Variants in TSHZ2 observed in about 807,000 individuals in gnomAD.
TSHZ2 encodes teashirt homolog 2.
TSHZ2 carries 21 observed loss-of-function variants against 74.4 expected under a neutral mutation model. The observed-to-expected ratio is 0.28, with a 90% confidence interval of 0.20 to 0.41. TSHZ2 has a LOEUF of 0.41. TSHZ2 is among the 10% of genes least tolerant of loss of function. TSHZ2 has a pLI of 1.00. For synonymous variants in TSHZ2, 540 were observed against 515.3 expected (o/e 1.05, Z -0.65); for missense variants, 1,244 against 1,293.5 (o/e 0.96, Z 0.59).
At chr20:53,011,398 T>C (rs1481629766) in intron 1 of TSHZ2, among the ~76,000 whole-genome samples, 1 of 152,212 alleles carries the variant, frequency 6.6e-6, no homozygotes, top group Non-Finnish European at 1.5e-5. Flanking sequence ...AGTGGCCAGA[T>C]AAGTAAACCC....
At chr20:53,007,737 CGTGTGTGTGT>C (rs35218931) in intron 1 of TSHZ2, among the ~76,000 whole-genome samples, 1 of 147,982 alleles carries the variant, frequency 6.8e-6, no homozygotes, top group South Asian at 2.2e-4. Flanking sequence ...TATGTATATT[CGTGTGTGTGT>C]GTGTGTGTGT....
chr20:53,289,458 C>T lies in TSHZ2; in HGVS notation c.*8+32887C>T, dbSNP rs376382301. On this transcript the variant is annotated intron_variant, in intron 2 of 2. Transcript: ENST00000371497. The stretch of plus-strand genomic sequence containing the variant: ...CAGTGTTAAAGTGTTCCCTTTCTAC[C>T]GCATCCACACCAACATCTATTTTTT... Among the ~76,000 whole-genome samples the T allele has an allele frequency of 3.0e-4, 45 of 152,186 alleles. 1 individual carries two copies. The highest frequency in any genetic ancestry group is 9.2e-4 in the African/African-American group (38 of 41,526).
intron 1 of TSHZ2, among the ~76,000 whole-genome samples, chr20:53,024,031 G>C (rs1287533549): frequency 6.6e-6 from 1 of 151,936 alleles, no homozygotes; most frequent in Non-Finnish European, 1.5e-5. Flanking sequence ...TGCCATAAAG[G>C]GGAGGTCATT....
chr20:53,171,516 G>A (rs1988198986), intron 1 of TSHZ2, among the ~76,000 whole-genome samples: 1 of 151,234 alleles, frequency 6.6e-6, no homozygotes, highest in African/African-American at 2.4e-5. Flanking sequence ...CATGTGTTGT[G>A]CACTTATCCT....
chr20:53,105,434 C>T (rs1411837331), intron 1 of TSHZ2, among the ~76,000 whole-genome samples: 2 of 152,096 alleles, frequency 1.3e-5, no homozygotes, highest in East Asian at 3.9e-4. Flanking sequence ...AAACTGCTTT[C>T]AGATATTGCC....
intron 1 of TSHZ2, among the ~76,000 whole-genome samples, chr20:52,982,575 G>A (rs1011967223): frequency 6.6e-6 from 1 of 152,164 alleles, no homozygotes; most frequent in Non-Finnish European, 1.5e-5. Context: ...TTATGTGCCA[G>A]GTATTGTTCT....
chr20:52,986,085 A>G lies in TSHZ2; in HGVS notation c.40+12752A>G, dbSNP rs73134644. 9.5e-3 allele frequency among the ~76,000 whole-genome samples: 1,451 copies of G among 152,272 alleles called. 16 individuals are homozygous for G. The highest frequency in any genetic ancestry group is 0.017 in the Admixed American group (254 of 15,290). ...GATTCAGAGACTTTAGCAAGCAAAGATATCCAGTAAAGAAATGAAATAATG... is the reference window on the plus strand; with the variant it reads ...GATTCAGAGACTTTAGCAAGCAAAGGTATCCAGTAAAGAAATGAAATAATG... On this transcript the variant is annotated intron_variant, in intron 1 of 2. Transcript: ENST00000371497.
intron 2 of TSHZ2, among the ~76,000 whole-genome samples, chr20:53,265,581 G>A (rs6022362): frequency 0.32 from 49,081 of 152,056 alleles, 8,747 homozygotes; most frequent in African/African-American, 0.45. Context: ...TATAATAGGC[G>A]CCATGGCAGT....
In TSHZ2 at chr20:53,063,980, T is replaced by TG. The variant is rs1193415403; in HGVS notation, c.40+90647_40+90648insG. On this transcript the variant is annotated intron_variant, in intron 1 of 2. Coordinates refer to ENST00000371497, the MANE Select transcript of TSHZ2 (RefSeq NM_173485.6). ...AGAACTGGAAGCCTCAAGTTATATT[T>TG]CTTAATAGCGATGCAGCAAATTACT... Among the ~76,000 whole-genome samples the TG allele has an allele frequency of 2.6e-5, 4 of 152,300 alleles. No homozygotes were observed. In the East Asian group the frequency reaches 7.7e-4, roughly 29 times the overall value.
At chr20:53,320,640 G>A (rs1258190822) in intron 2 of TSHZ2, among the ~76,000 whole-genome samples, 1 of 152,176 alleles carries the variant, frequency 6.6e-6, no homozygotes, top group Non-Finnish European at 1.5e-5. Context: ...TGCAGAAAGG[G>A]GAGATAACAA....
At chr20:53,042,688 T>C (rs1263216887) in intron 1 of TSHZ2, among the ~76,000 whole-genome samples, 1 of 131,626 alleles carries the variant, frequency 7.6e-6, no homozygotes, top group Non-Finnish European at 1.6e-5. Flanking sequence ...TACACTATTA[T>C]GGAAGTAGAG....
At chr20:53,401,436 T>A (rs1313238811) in intron 2 of TSHZ2, among the ~76,000 whole-genome samples, 1 of 152,200 alleles carries the variant, frequency 6.6e-6, no homozygotes, top group Non-Finnish European at 1.5e-5. Flanking sequence ...ACAGGTGGTG[T>A]TTGGTTACAT....
At chr20:53,384,480 A>G (rs1981973261) in intron 2 of TSHZ2, among the ~76,000 whole-genome samples, 2 of 152,160 alleles carry the variant, frequency 1.3e-5, no homozygotes, top group Non-Finnish European at 2.9e-5. Flanking sequence ...TTCTTTGTTT[A>G]TGGCTTCACC....
chr20:53,089,341 T>TTTTTTTTTTTTTTTTTTA (rs370108566), intron 1 of TSHZ2, among the ~76,000 whole-genome samples: 1 of 129,742 alleles, frequency 7.7e-6, no homozygotes. Flanking sequence ...TTTTTTTTTT[T>TTTTTTTTTTTTTTTTTTA]ATTAAACAGA....
chr20:53,095,602 G>A (rs1442198272), intron 1 of TSHZ2, among the ~76,000 whole-genome samples: 1 of 152,118 alleles, frequency 6.6e-6, no homozygotes, highest in African/African-American at 2.4e-5. Context: ...GCTCCCCAAG[G>A]CTTGATTTTC....
At chr20:53,038,908 G>GTTTTTTTT (rs1555817877) in intron 1 of TSHZ2, among the ~76,000 whole-genome samples, 1,897 of 148,036 alleles carry the variant, frequency 0.013, 54 homozygotes, top group African/African-American at 0.046. Flanking sequence ...TTGTTTGTTT[G>GTTTTTTTT]TTTTTGAGAT....
At chr20:53,272,059 T>C (rs760178275) in intron 2 of TSHZ2, among the ~76,000 whole-genome samples, 27 of 152,072 alleles carry the variant, frequency 1.8e-4, no homozygotes, top group Non-Finnish European at 3.4e-4. Context: ...GTTGCCAGGC[T>C]GGAGTGCAGT....
chr20:53,343,048 T>C (rs1210408327), intron 2 of TSHZ2, among the ~76,000 whole-genome samples: 2 of 132,920 alleles, frequency 1.5e-5, no homozygotes, highest in Admixed American at 8.4e-5. Flanking sequence ...CTCACTGCAA[T>C]CTCCGCCTCC....
chr20:52,998,366 G>A (rs755213564), intron 1 of TSHZ2, among the ~76,000 whole-genome samples: 8 of 152,194 alleles, frequency 5.3e-5, no homozygotes, highest in African/African-American at 1.9e-4. Flanking sequence ...ACCGGGTTTC[G>A]CCATGTTGGC....
Sources: gnomAD v4.1 joint callset for allele counts (sites outside exome capture counted in the v4.1 genomes callset) on GRCh38, gnomAD v4.1.1 for gene constraint, MANE v1.5 for transcripts, NCBI Gene and HGNC (gene_info 2026-07-23, HGNC 2026-07-21) for gene names.